Variants in SLC49A4 observed in about 807,000 individuals in gnomAD.
SLC49A4 encodes disrupted in renal cancer protein 2.
Under a neutral mutation model 50.6 loss-of-function variants are expected in SLC49A4, and 36 were observed. The observed-to-expected ratio is 0.71, with a 90% CI of 0.55 to 0.94. SLC49A4 has a LOEUF of 0.94. Among genes scored for constraint, SLC49A4 ranks in the 40% least tolerant of loss-of-function variants. The pLI is 0.00. For missense variants in SLC49A4, 503 were observed against 605.7 expected (o/e 0.83, Z 1.78); for synonymous variants, 248 against 241.2 (o/e 1.03, Z -0.26).
Position 122,795,504 on chromosome 3 carries a change from CT to C in SLC49A4, c.314del (p.Phe105SerfsTer14). On this transcript the variant is annotated frameshift_variant, in exon 1 of 9. Coordinates refer to ENST00000261038, the MANE Select transcript of SLC49A4 (RefSeq NM_032839.3). LOFTEE classifies it high-confidence loss of function. The stretch of plus-strand genomic sequence containing the variant: ...GGGGGCCCATCGGCTTCCTGCCCTG[CT>C]TCGCGTTCATGTGGCTCCTGGACAA... The part of the protein sequence containing the change: ...LWGPIGFLPC[F>X]AFMWLLDKRG... The C allele has an allele frequency of 1.2e-6, 2 of 1,602,148 alleles. No homozygotes were observed. Among genetic ancestry groups the C allele is most frequent in the Non-Finnish European group, 1.7e-6 (2 of 1,178,374 alleles).
At chr3:122,806,175 T>C (rs1936215287) in intron 1 of SLC49A4, among the ~76,000 whole-genome samples, 7 of 152,146 alleles carry the variant, frequency 4.6e-5, no homozygotes, top group South Asian at 2.1e-4. Flanking sequence ...ATTAGCAGCT[T>C]ACATTTGAAA....
chr3:122,847,784 CTT>C (rs1378921889), intron 5 of SLC49A4, among the ~76,000 whole-genome samples: 1 of 152,156 alleles, frequency 6.6e-6, no homozygotes, highest in African/African-American at 2.4e-5. Context: ...GAAACCAACT[CTT>C]AGATACTCTA....
chr3:122,817,623 G>A (rs981483596), intron 2 of SLC49A4, among the ~76,000 whole-genome samples: 6 of 151,692 alleles, frequency 4.0e-5, no homozygotes, highest in African/African-American at 1.5e-4. Flanking sequence ...TTGAGATGGG[G>A]TCTCATTCTG....
At chr3:122,813,395 G>A (rs146983023) in intron 2 of SLC49A4, among the ~76,000 whole-genome samples, 1 of 151,520 alleles carries the variant, frequency 6.6e-6, no homozygotes, top group Admixed American at 6.6e-5. Flanking sequence ...CTTTTTTCTT[G>A]TTCGGTACAT....
intron 4 of SLC49A4, among the ~76,000 whole-genome samples, chr3:122,841,676 T>G (rs1344952026): frequency 1.3e-5 from 2 of 152,228 alleles, no homozygotes; most frequent in African/African-American, 4.8e-5. Flanking sequence ...TGTAATATTG[T>G]TTTCCAAACT....
chr3:122,818,973 G>A (rs558997822), intron 2 of SLC49A4, among the ~76,000 whole-genome samples: 41 of 151,486 alleles, frequency 2.7e-4, no homozygotes, highest in Non-Finnish European at 4.7e-4. Flanking sequence ...ATTGTGAGAG[G>A]CCAGCCTCTG....
At chr3:122,862,944 A>G (rs1437946752) in intron 7 of SLC49A4, among the ~76,000 whole-genome samples, 1 of 152,190 alleles carries the variant, frequency 6.6e-6, no homozygotes, top group African/African-American at 2.4e-5. Flanking sequence ...CTTAAAATTG[A>G]TGTGATTGAC....
At chr3:122,871,509 T>G (rs191791481) in intron 7 of SLC49A4, among the ~76,000 whole-genome samples, 2 of 152,248 alleles carry the variant, frequency 1.3e-5, no homozygotes, top group East Asian at 3.9e-4. Flanking sequence ...ACAAATATTT[T>G]TATTAAAAAT....
intron 1 of SLC49A4, among the ~76,000 whole-genome samples, chr3:122,797,981 AAAAC>A (rs964250871): frequency 1.2e-4 from 18 of 152,220 alleles, no homozygotes; most frequent in African/African-American, 2.2e-4. Context: ...ACCCTGTCTC[AAAAC>A]AAACAAACAA....
chr3:122,878,646 C>A (rs1937295434), intron 8 of SLC49A4, among the ~76,000 whole-genome samples: 1 of 152,172 alleles, frequency 6.6e-6, no homozygotes. Flanking sequence ...TCATATATAA[C>A]CATTCATGCT....
In SLC49A4 at chr3:122,833,300, C is replaced by G. The variant is rs1576299881; in HGVS notation, c.704-17C>G. ...TTGTGTTTCCTGGTTAACATTTTAC[C>G]TATTTTTTTCTTTCAGAATTTGGAG... On this transcript the variant is annotated splice_polypyrimidine_tract_variant and intron_variant, in intron 3 of 8. Coordinates refer to ENST00000261038, the MANE Select transcript of SLC49A4 (RefSeq NM_032839.3). 10 of 1,607,712 alleles carry G rather than the reference C, an allele frequency of 6.2e-6. No individual in the cohort carries two copies. The African/African-American group carries it at 1.1e-4, about 17-fold the overall frequency.
chr3:122,807,124 A>G (rs1338756127), intron 2 of SLC49A4, among the ~76,000 whole-genome samples, 174 bp downstream of exon 2: 1 of 152,164 alleles, frequency 6.6e-6, no homozygotes, highest in Non-Finnish European at 1.5e-5. Flanking sequence ...TGTTGTGGAA[A>G]TAAAAAGAGC....
intron 7 of SLC49A4, among the ~76,000 whole-genome samples, chr3:122,863,178 G>A (rs1396731442): frequency 6.6e-6 from 1 of 152,166 alleles, no homozygotes. Flanking sequence ...CAAGCACACT[G>A]GGTTACGGAC....
At chr3:122,866,638 T>G (rs974016394) in intron 7 of SLC49A4, among the ~76,000 whole-genome samples, 1 of 152,140 alleles carries the variant, frequency 6.6e-6, no homozygotes, top group African/African-American at 2.4e-5. Flanking sequence ...TCCCTTTCTC[T>G]TCCACTGACA....
chr3:122,817,273 C>T (rs574607606), intron 2 of SLC49A4, among the ~76,000 whole-genome samples: 4 of 152,254 alleles, frequency 2.6e-5, no homozygotes, highest in South Asian at 4.1e-4. Context: ...ACTGCAGTTG[C>T]TGCCTTTGAA....
At chr3:122,805,613 G>A (rs574209432) in intron 1 of SLC49A4, among the ~76,000 whole-genome samples, 42 of 152,318 alleles carry the variant, frequency 2.8e-4, no homozygotes, top group Middle Eastern at 3.4e-3. Flanking sequence ...AAGCAATGTG[G>A]CCACCTTTGC....
At chr3:122,877,402 T>C (rs1336725279) in intron 8 of SLC49A4, among the ~76,000 whole-genome samples, 1 of 152,170 alleles carries the variant, frequency 6.6e-6, no homozygotes, top group Non-Finnish European at 1.5e-5. Flanking sequence ...TAAAGAGCAA[T>C]TATGAGACGT....
intron 5 of SLC49A4, among the ~76,000 whole-genome samples, chr3:122,852,640 A>G (rs995010803): frequency 3.3e-5 from 5 of 152,184 alleles, no homozygotes; most frequent in African/African-American, 1.2e-4. Flanking sequence ...GCTGGGCTTT[A>G]GTCCCTCAGG....
chr3:122,849,690 T>G (rs957316856), intron 5 of SLC49A4, among the ~76,000 whole-genome samples: 3 of 152,166 alleles, frequency 2.0e-5, no homozygotes, highest in Non-Finnish European at 2.9e-5. Flanking sequence ...TTTTTGCTGT[T>G]GAGTTGCTTG....
Sources: gnomAD v4.1 joint callset for allele counts (sites outside exome capture counted in the v4.1 genomes callset) on GRCh38, gnomAD v4.1.1 for gene constraint, MANE v1.5 for transcripts, NCBI Gene and HGNC (gene_info 2026-07-23, HGNC 2026-07-21) for gene names.